The following DCDC1 variants were observed in gnomAD, a reference collection of about 807,000 sequenced individuals.
DCDC1 encodes the protein doublecortin domain-containing protein 1.
A neutral mutation model predicts 178.3 loss-of-function variants in DCDC1; 200 were observed. That is an observed-to-expected ratio of 1.12 (90% CI 1.00 to 1.26). DCDC1 has a LOEUF of 1.26. Ranked by LOEUF, DCDC1 falls within the 50% of genes most tolerant of loss-of-function variation. The probability of loss-of-function intolerance (pLI) is 0.00; values close to 1 mark genes in which losing one functional copy is unlikely to be tolerated. For synonymous variants in DCDC1, 690 were observed against 604.8 expected (o/e 1.14, Z -2.07); for missense variants, 1,983 against 1,749.2 (o/e 1.13, Z -2.38).
intron 38 of DCDC1, among the ~76,000 whole-genome samples, chr11:30,867,177 C>A (rs1941071232): frequency 6.6e-6 from 1 of 152,206 alleles, no homozygotes; most frequent in African/African-American, 2.4e-5. Context: ...CTAGTGAACT[C>A]ATTTTCAGAA....
At chr11:30,904,760 T>C (rs962835867) in intron 31 of DCDC1, 14 of 625,156 alleles carry the variant, frequency 2.2e-5, no homozygotes, top group Non-Finnish European at 3.5e-5. Context: ...TTCTGGTTTC[T>C]AGTTTTTCTA....
At chr11:31,125,930 T>C (rs1377187162) in intron 11 of DCDC1, among the ~76,000 whole-genome samples, 2 of 151,678 alleles carry the variant, frequency 1.3e-5, no homozygotes, top group Non-Finnish European at 2.9e-5. Context: ...TAAAAAAAAA[T>C]TAAAATTAAA....
intron 6 of DCDC1, among the ~76,000 whole-genome samples, chr11:31,292,267 T>C (rs1947289260): frequency 6.6e-6 from 1 of 152,108 alleles, no homozygotes; most frequent in Admixed American, 6.5e-5. Context: ...AGTTCATAAA[T>C]AGCCAAAAGA....
At chr11:31,289,585 T>C (rs1309355380) in intron 7 of DCDC1, among the ~76,000 whole-genome samples, 1 of 152,034 alleles carries the variant, frequency 6.6e-6, no homozygotes, top group Non-Finnish European at 1.5e-5. Flanking sequence ...CAATTCGAAA[T>C]AGTATAGTAT....
At position 31,250,385 on chromosome 11, in the gene DCDC1, TACACAC is replaced by T. The variant is rs10640581; in HGVS notation, c.1055-8775_1055-8770del. ...TATGAAAGGAATCAGAGTGAATGAA[TACACAC>T]ACACACACACACACACACACACACA... On this transcript the variant is annotated intron_variant, in intron 8 of 38. Coordinates refer to ENST00000684477, the MANE Select transcript of DCDC1 (RefSeq NM_001387274.1). 1.5e-3 allele frequency among the ~76,000 whole-genome samples: 140 copies of T among 92,762 alleles called. 9 individuals are homozygous for T. Among genetic ancestry groups the T allele is most frequent in the Middle Eastern group, 6.3e-3 (1 of 158 alleles). The allele number at this position is 92,762 out of a possible 152,430, so 60.9% of individuals were successfully genotyped here.
At position 30,881,237 on chromosome 11, in the gene DCDC1, C is replaced by G; in HGVS notation, c.5154G>C (p.Glu1718Asp). Residue 1718 changes from glutamate to aspartate, a missense_variant, in exon 37 of 39, where the codon GAG (glutamate) becomes GAC (aspartate). Transcript: ENST00000684477. ...CTATGTCGTCCCAGGACTGAATTGG[C>G]TCTCCACTGGGGGTGTACAGTGCTC... Reference protein sequence around the residue: ...PARALYTPSGEPIQSWDDIER... With the variant: ...PARALYTPSGDPIQSWDDIER... The G allele has an allele frequency of 2.5e-6, 4 of 1,613,554 alleles. No homozygotes were observed. Among genetic ancestry groups the G allele is most frequent in the Non-Finnish European group, 3.4e-6 (4 of 1,179,636 alleles).
At chr11:31,106,528 A>G (rs1958860423) in intron 13 of DCDC1, among the ~76,000 whole-genome samples, 1 of 152,240 alleles carries the variant, frequency 6.6e-6, no homozygotes. Flanking sequence ...CTACTCAGAC[A>G]TGAACAAATC....
chr11:30,940,234 T>C (rs1947544375), intron 21 of DCDC1, among the ~76,000 whole-genome samples: 1 of 152,156 alleles, frequency 6.6e-6, no homozygotes, highest in Non-Finnish European at 1.5e-5. Flanking sequence ...TCTGAGTTCC[T>C]TTCTCAGGAA....
intron 9 of DCDC1, among the ~76,000 whole-genome samples, chr11:31,163,934 T>G (rs1170901556): frequency 6.6e-6 from 1 of 152,190 alleles, no homozygotes; most frequent in Non-Finnish European, 1.5e-5. Context: ...CACTTCTTTT[T>G]TAGATAGTCC....
chr11:31,264,743 C>T (rs1365283384), intron 8 of DCDC1, among the ~76,000 whole-genome samples: 1 of 152,062 alleles, frequency 6.6e-6, no homozygotes, highest in Non-Finnish European at 1.5e-5. Flanking sequence ...CAAATTAATT[C>T]CTACTCTGTC....
chr11:31,045,331 G>A (rs939471912), intron 20 of DCDC1, among the ~76,000 whole-genome samples: 1 of 151,622 alleles, frequency 6.6e-6, no homozygotes, highest in African/African-American at 2.4e-5. Flanking sequence ...ACGTGACGGA[G>A]GGCAAAATCC....
intron 9 of DCDC1, among the ~76,000 whole-genome samples, chr11:31,146,549 T>G (rs1384039628): frequency 6.6e-6 from 1 of 152,176 alleles, no homozygotes; most frequent in Non-Finnish European, 1.5e-5. Flanking sequence ...CCCTTTGGAA[T>G]GTACACATTG....
At chr11:31,053,692 A>G (rs1053142097) in intron 20 of DCDC1, among the ~76,000 whole-genome samples, 10 of 152,198 alleles carry the variant, frequency 6.6e-5, no homozygotes, top group African/African-American at 2.2e-4. Context: ...AATTTGATAC[A>G]CCACATAAAC....
Position 30,906,743 on chromosome 11 carries a change from G to A in DCDC1, c.3919-18C>T, listed in dbSNP as rs771155850. The A allele has an allele frequency of 4.4e-6, 7 of 1,607,078 alleles. No homozygotes were observed. Among genetic ancestry groups the A allele is most frequent in the Non-Finnish European group, 6.0e-6 (7 of 1,176,454 alleles). On this transcript the variant is annotated intron_variant, in intron 29 of 38. Coordinates refer to ENST00000684477, the MANE Select transcript of DCDC1 (RefSeq NM_001387274.1). ...CAGTATCCCTAAAATGGGAGACAAA[G>A]ATGGCTTTATATAGGAGCATCTAAA...
At chr11:31,315,140 A>G (rs1948997705) in intron 3 of DCDC1, among the ~76,000 whole-genome samples, 1 of 151,976 alleles carries the variant, frequency 6.6e-6, no homozygotes, top group East Asian at 1.9e-4. Flanking sequence ...GCATTAGTAA[A>G]CCTTAGTGAC....
At chr11:31,234,761 G>A (rs1176049756) in intron 9 of DCDC1, among the ~76,000 whole-genome samples, 2 of 152,174 alleles carry the variant, frequency 1.3e-5, no homozygotes. Flanking sequence ...CAGATAGGAT[G>A]TCAGGTGAAG....
At chr11:30,970,804 C>T (rs1949733785) in intron 20 of DCDC1, among the ~76,000 whole-genome samples, 1 of 152,198 alleles carries the variant, frequency 6.6e-6, no homozygotes, top group Non-Finnish European at 1.5e-5. Flanking sequence ...GGGGATTACC[C>T]CATATCTGCC....
intron 9 of DCDC1, among the ~76,000 whole-genome samples, chr11:31,155,165 G>A (rs1193745956): frequency 6.6e-6 from 1 of 152,146 alleles, no homozygotes; most frequent in Non-Finnish European, 1.5e-5. Context: ...ATACTAAAGA[G>A]GACTAATTTA....
chr11:31,062,287 A>G (rs953570116), intron 20 of DCDC1, among the ~76,000 whole-genome samples: 12 of 152,160 alleles, frequency 7.9e-5, no homozygotes, highest in African/African-American at 2.9e-4. Context: ...AAATAAGCCT[A>G]GAGAGGCCAG....
Sources: allele counts gnomAD v4.1 joint callset (sites outside exome capture counted in the v4.1 genomes callset), GRCh38; gene constraint gnomAD v4.1.1; transcripts MANE v1.5; gene names NCBI Gene and HGNC (gene_info 2026-07-23, HGNC 2026-07-21).